Variants in STK31 observed in about 807,000 individuals in gnomAD.
STK31 encodes serine/threonine kinase 31.
In STK31, 89 loss-of-function variants were observed where a neutral mutation model predicts 129.7. The observed-to-expected ratio is 0.69, with a 90% CI of 0.58 to 0.82. The LOEUF is 0.82. Ranked by LOEUF, STK31 falls within the 40% of genes least tolerant of loss-of-function variation. STK31 has a pLI of 0.00. For missense variants in STK31, 1,187 were observed against 1,176.4 expected, an observed-to-expected ratio of 1.01 and a Z score of -0.13; for synonymous variants, 448 against 395.3, an observed-to-expected ratio of 1.13 and a Z score of -1.58.
intron 4 of STK31, chr7:23,726,116 C>T (rs1368401947): frequency 6.6e-6 from 1 of 152,200 alleles, no homozygotes; most frequent in Non-Finnish European, 1.5e-5. Context: ...CATTGGGAAT[C>T]AGATTTTAAC....
chr7:23,757,356 C>G (rs954063369), intron 10 of STK31, among the ~76,000 whole-genome samples: 1 of 152,000 alleles, frequency 6.6e-6, no homozygotes, highest in Non-Finnish European at 1.5e-5. Context: ...GACCCGCGCC[C>G]GCCGGCAAAG....
At chr7:23,813,784 C>G (rs992996824) in intron 22 of STK31, among the ~76,000 whole-genome samples, 32 of 152,262 alleles carry the variant, frequency 2.1e-4, no homozygotes, top group African/African-American at 7.5e-4. Flanking sequence ...CTAGTTGTGG[C>G]AGGATCTCTC....
chr7:23,786,976 C>T (rs1366690703), intron 20 of STK31, 52 bp downstream of exon 20: 4 of 1,539,682 alleles, frequency 2.6e-6, no homozygotes, highest in Non-Finnish European at 3.6e-6. Context: ...GAGAAAATAA[C>T]ACCTGATATT....
At chr7:23,782,702 A>G (rs1010652488) in intron 16 of STK31, among the ~76,000 whole-genome samples, 3 of 152,088 alleles carry the variant, frequency 2.0e-5, no homozygotes, top group African/African-American at 7.2e-5. Flanking sequence ...CAATTTTCAC[A>G]TTTATTTCAA....
Position 23,729,150 on chromosome 7 carries a change from T to C in STK31, c.384T>C (p.Val128=). ...AAATTCTAAATCGATCTGATATAGT[T>C]GAAATTCCTTTGGAGCTGCAGTTTT... ...NTEILNRSDI[V]EIPLELQFSS... The change falls in exon 6 of 24, where the codon GTT becomes GTC. Residue 128 remains valine, a synonymous_variant. Coordinates refer to ENST00000355870, the MANE Select transcript of STK31 (RefSeq NM_031414.5). 1 of 1,612,104 alleles carries C rather than the reference T, an allele frequency of 6.2e-7. No individual in the cohort carries two copies. The highest frequency in any genetic ancestry group is 8.5e-7 in the Non-Finnish European group (1 of 1,179,574).
intron 8 of STK31, among the ~76,000 whole-genome samples, chr7:23,749,614 A>G (rs1298661979): frequency 1.3e-5 from 2 of 151,822 alleles, no homozygotes; most frequent in Non-Finnish European, 2.9e-5. Context: ...CAGCCTCCCA[A>G]AGTGCTGGAA....
At chr7:23,819,719 T>C (rs1562631270) in intron 23 of STK31, among the ~76,000 whole-genome samples, 1 of 152,130 alleles carries the variant, frequency 6.6e-6, no homozygotes, top group Non-Finnish European at 1.5e-5. Context: ...TTTTATTCAG[T>C]CTGATATGTG....
At chr7:23,718,954 C>G (rs1786518288) in intron 4 of STK31, among the ~76,000 whole-genome samples, 1 of 152,050 alleles carries the variant, frequency 6.6e-6, no homozygotes, top group South Asian at 2.1e-4. Flanking sequence ...AATTTACATT[C>G]TTATCAGCAA....
chr7:23,729,177 T>C lies in STK31; in HGVS notation c.411T>C (p.Ser137=). 6.2e-7 allele frequency: 1 copy of C among 1,612,148 alleles called. No individual in the cohort carries two copies. Reference sequence around the variant, plus strand: ...AAATTCCTTTGGAGCTGCAGTTTTCTAGTGTTGCCAAAAAGTATAAACTTT... The same window carrying C: ...AAATTCCTTTGGAGCTGCAGTTTTCCAGTGTTGCCAAAAAGTATAAACTTT... The part of the protein sequence containing the change: ...IVEIPLELQF[S]SVAKKYKLWG... Residue 137 remains serine, a synonymous_variant, in exon 6 of 24, where the codon TCT becomes TCC. Transcript: ENST00000355870.
chr7:23,796,409 A>G (rs1182892740), intron 22 of STK31, among the ~76,000 whole-genome samples: 1 of 151,950 alleles, frequency 6.6e-6, no homozygotes, highest in East Asian at 1.9e-4. Flanking sequence ...GTGTGGTAAT[A>G]GCAGTTTTTA....
intron 6 of STK31, 103 bp downstream of exon 6, chr7:23,729,352 T>TA (rs1787262651): frequency 2.8e-6 from 3 of 1,065,930 alleles, no homozygotes; most frequent in Non-Finnish European, 2.6e-6. Context: ...AAAGTCTGTA[T>TA]AAATTAGTGA....
chr7:23,829,435 A>G (rs1339534574), intron 23 of STK31, among the ~76,000 whole-genome samples: 9 of 152,080 alleles, frequency 5.9e-5, no homozygotes, highest in African/African-American at 2.2e-4. Flanking sequence ...CATGTCGCTG[A>G]TTTGGGTGTG....
intron 23 of STK31, among the ~76,000 whole-genome samples, chr7:23,829,103 G>T (rs1017404003): frequency 6.6e-6 from 1 of 151,600 alleles, no homozygotes; most frequent in Non-Finnish European, 1.5e-5. Context: ...TAGAGACGAG[G>T]TTTCACTGTG....
At chr7:23,796,961 A>G (rs1437711068) in intron 22 of STK31, among the ~76,000 whole-genome samples, 3 of 152,176 alleles carry the variant, frequency 2.0e-5, no homozygotes, top group Non-Finnish European at 4.4e-5. Context: ...AGGGATTGCA[A>G]TCCTAGTCTC....
chr7:23,759,348 C>A (rs1264077931), intron 10 of STK31, among the ~76,000 whole-genome samples: 1 of 152,200 alleles, frequency 6.6e-6, no homozygotes, highest in Admixed American at 6.5e-5. Flanking sequence ...TGCCACATGG[C>A]ACTTATTCTA....
chr7:23,808,943 TTGTGTG>T (rs1554297249), intron 22 of STK31, among the ~76,000 whole-genome samples: 7 of 84,430 alleles, frequency 8.3e-5, no homozygotes, highest in Non-Finnish European at 2.0e-4. Flanking sequence ...CTTGGAGCTT[TTGTGTG>T]TGTGTGTGTG....
intron 8 of STK31, among the ~76,000 whole-genome samples, chr7:23,749,088 G>T (rs182004916): frequency 5.0e-4 from 76 of 152,252 alleles, no homozygotes; most frequent in African/African-American, 1.7e-3. Context: ...CCGTTACAGT[G>T]TTTTGATATC....
chr7:23,805,334 C>T (rs1792634603), intron 22 of STK31, among the ~76,000 whole-genome samples: 1 of 152,182 alleles, frequency 6.6e-6, no homozygotes, highest in African/African-American at 2.4e-5. Context: ...CCTCGGCCTC[C>T]CAAAGTGTTA....
chr7:23,771,142 C>T lies in STK31; in HGVS notation c.1833+18C>T, dbSNP rs913068287. The stretch of plus-strand genomic sequence containing the variant: ...GTATTGAGGTTTGATTGTGCTTTCT[C>T]TTATTGATCTTATAAATTGATGATT... On this transcript the variant is annotated intron_variant, in intron 14 of 23. Transcript: ENST00000355870. 2 of 1,526,524 alleles carry T rather than the reference C, an allele frequency of 1.3e-6. No individual in the cohort carries two copies. The highest frequency in any genetic ancestry group is 1.7e-6 in the Non-Finnish European group (2 of 1,143,352). The allele number at this position is 1,526,524 out of a possible 1,614,324, so 94.6% of individuals were successfully genotyped here. A position where few individuals can be genotyped will look rare whatever the true frequency, so the allele number is the denominator to read the frequency against.
Sources: allele counts gnomAD v4.1 joint callset (sites outside exome capture counted in the v4.1 genomes callset), GRCh38; gene constraint gnomAD v4.1.1; transcripts MANE v1.5; gene names NCBI Gene and HGNC (gene_info 2026-07-23, HGNC 2026-07-21).